Variants in OTOGL observed in about 807,000 individuals in gnomAD.
The protein encoded by OTOGL is otogelin like.
Under a neutral mutation model 318.5 loss-of-function variants are expected in OTOGL, and 285 were observed. The ratio of observed to expected loss-of-function variants is 0.89; its 90% CI spans 0.81 to 0.99. OTOGL has a LOEUF of 0.99. Among genes scored for constraint, OTOGL ranks in the 50% least tolerant of loss-of-function variants. The pLI is 0.00. For synonymous variants in OTOGL, 987 were observed against 936.5 expected, an observed-to-expected ratio of 1.05 and a Z score of -0.99; for missense variants, 2,899 against 2,845.6, an observed-to-expected ratio of 1.02 and a Z score of -0.43.
chr12:80,230,422 C>A (rs1028156437), intron 8 of OTOGL, among the ~76,000 whole-genome samples: 3 of 152,106 alleles, frequency 2.0e-5, no homozygotes, highest in African/African-American at 7.2e-5. Context: ...TGCAGTTACA[C>A]GTGTATTTCC....
At chr12:80,264,948 T>C (rs938797968) in intron 19 of OTOGL, 53 bp from the exon 20 acceptor site, 4 of 1,543,048 alleles carry the variant, frequency 2.6e-6, no homozygotes, top group Non-Finnish European at 3.6e-6. Flanking sequence ...CTTGGATAAT[T>C]CTGGGGTAAG....
intron 6 of OTOGL, among the ~76,000 whole-genome samples, chr12:80,220,323 C>A (rs1477757121): frequency 6.6e-6 from 1 of 152,030 alleles, no homozygotes; most frequent in Non-Finnish European, 1.5e-5. Flanking sequence ...TCATGTCTGG[C>A]TAATTTTGGT....
intron 35 of OTOGL, among the ~76,000 whole-genome samples, chr12:80,325,476 C>T (rs975958158): frequency 2.6e-5 from 4 of 152,172 alleles, no homozygotes; most frequent in Non-Finnish European, 4.4e-5. Flanking sequence ...GAAAACCAAC[C>T]GAGGCACAGA....
chr12:80,180,027 T>C (rs964023050), intron 1 of OTOGL, among the ~76,000 whole-genome samples: 6 of 152,246 alleles, frequency 3.9e-5, no homozygotes, highest in African/African-American at 1.4e-4. Context: ...GTCTAAGCTG[T>C]ATCAAGGTTT....
At position 80,112,684 on chromosome 12, in the gene OTOGL, G is replaced by A. The variant is rs1054992986; in HGVS notation, c.-20+13079G>A. Among the ~76,000 whole-genome samples, 9 of 151,366 alleles carry A rather than the reference G, an allele frequency of 5.9e-5. No homozygotes were observed. The South Asian group carries it at 1.0e-3, about 18-fold the overall frequency. ...AGGATTTTTGCACTGATGTTCATTA[G>A]GGATATTTGCCTGAAATTTTCTTTC... On this transcript the variant is annotated intron_variant, in intron 1 of 58. Transcript: ENST00000547103.
intron 44 of OTOGL, among the ~76,000 whole-genome samples, chr12:80,347,087 A>AT (rs955501661): frequency 8.6e-4 from 131 of 152,214 alleles, no homozygotes; most frequent in African/African-American, 3.1e-3. Context: ...TATAATTTGA[A>AT]TTTTTTTAAC....
chr12:80,126,255 GT>G (rs1215242407), intron 1 of OTOGL, among the ~76,000 whole-genome samples: 1 of 152,056 alleles, frequency 6.6e-6, no homozygotes, highest in Admixed American at 6.6e-5. Context: ...GTTCTCGTTG[GT>G]TTCAAAGAAC....
intron 26 of OTOGL, among the ~76,000 whole-genome samples, chr12:80,289,086 A>G (rs1213927488): frequency 1.3e-5 from 2 of 152,022 alleles, no homozygotes; most frequent in Non-Finnish European, 2.9e-5. Context: ...GGGATTTTGT[A>G]TGGAAGTCTT....
chr12:80,182,950 T>G (rs1460862703), intron 1 of OTOGL, among the ~76,000 whole-genome samples: 1 of 152,226 alleles, frequency 6.6e-6, no homozygotes, highest in East Asian at 1.9e-4. Context: ...ATAGCCCATG[T>G]GGAACTTTTG....
intron 52 of OTOGL, among the ~76,000 whole-genome samples, chr12:80,359,526 C>T (rs1032305319): frequency 1.4e-4 from 21 of 152,104 alleles, no homozygotes; most frequent in African/African-American, 5.1e-4. Context: ...TTCACAAAGA[C>T]ATTTTACTTT....
intron 11 of OTOGL, among the ~76,000 whole-genome samples, chr12:80,250,431 C>A (rs1881434900): frequency 1.3e-5 from 2 of 152,064 alleles, no homozygotes; most frequent in South Asian, 4.1e-4. Flanking sequence ...GGCTGGAAAA[C>A]CAATATTCAG....
intron 11 of OTOGL, 23 bp downstream of exon 11, chr12:80,239,462 G>A: frequency 1.3e-6 from 2 of 1,483,654 alleles, no homozygotes; most frequent in Non-Finnish European, 1.8e-6. Flanking sequence ...ACTTGTAGTT[G>A]TAATAAAATT....
In OTOGL at chr12:80,258,664, G is replaced by A. The variant is rs113626396; in HGVS notation, c.1889+662G>A. ...TAAAAGCACAATGGGAGCAATTTAA[G>A]CAGTAGACCATGGTTCTCATCCTCA... On this transcript the variant is annotated intron_variant, in intron 18 of 58. Transcript: ENST00000547103. 2.3e-3 allele frequency among the ~76,000 whole-genome samples: 347 copies of A among 152,216 alleles called. 4 individuals carry two copies. The highest frequency in any genetic ancestry group is 8.0e-3 in the African/African-American group (332 of 41,542).
chr12:80,154,523 A>C (rs1565881374), intron 1 of OTOGL, among the ~76,000 whole-genome samples: 1 of 151,528 alleles, frequency 6.6e-6, no homozygotes, highest in Non-Finnish European at 1.5e-5. Flanking sequence ...TCCCCTTTGC[A>C]CTCCCTCTTT....
At chr12:80,289,758 A>G (rs7302499) in intron 26 of OTOGL, among the ~76,000 whole-genome samples, 3 of 152,030 alleles carry the variant, frequency 2.0e-5, no homozygotes, top group African/African-American at 4.8e-5. Flanking sequence ...ACCAAGGTCA[A>G]TCGTCCCAGG....
Position 80,356,419 on chromosome 12 carries a change from G to A in OTOGL, c.5810G>A (p.Cys1937Tyr). 6.2e-7 allele frequency: 1 copy of A among 1,607,004 alleles called. No individual in the cohort carries two copies. Among genetic ancestry groups the A allele is most frequent in the Non-Finnish European group, 8.5e-7 (1 of 1,176,354 alleles). The change falls in exon 48 of 59, where the codon TGT becomes TAT. Residue 1937 changes from cysteine to tyrosine, a missense_variant. Around this residue, in one of 3 missense-constraint regions of OTOGL, gnomAD observed 2,607 missense variants for 2,524.9 expected, o/e 1.03. Coordinates refer to ENST00000547103, the MANE Select transcript of OTOGL (RefSeq NM_001378609.3). ...TAACAGTTTTTCTTATTTATAGGAT[G>A]TGACACGACTTTGTGTGAAACTAGC... ...WTCCSKEVCG[C>Y]DTTLCETSIP... is the part of the protein sequence containing the mutation.
intron 21 of OTOGL, 69 bp from the exon 22 acceptor site, chr12:80,267,184 G>C (rs1051734218): frequency 1.0e-5 from 10 of 969,918 alleles, no homozygotes; most frequent in Admixed American, 2.3e-5. Flanking sequence ...GAGAGCACAA[G>C]GTCAGCTTGA....
intron 1 of OTOGL, among the ~76,000 whole-genome samples, chr12:80,160,477 A>C (rs1873434360): frequency 6.6e-6 from 1 of 152,210 alleles, no homozygotes; most frequent in African/African-American, 2.4e-5. Flanking sequence ...AAACATATGA[A>C]AAAATGCTCA....
chr12:80,293,256 T>G (rs1396586952), intron 26 of OTOGL, among the ~76,000 whole-genome samples: 1 of 152,218 alleles, frequency 6.6e-6, no homozygotes, highest in Non-Finnish European at 1.5e-5. Context: ...CTCTTAATAT[T>G]ACACAAAAAG....
Sources: gnomAD v4.1 joint callset for allele counts (sites outside exome capture counted in the v4.1 genomes callset) on GRCh38, gnomAD v4.1.1 for gene constraint, gnomAD v4.1.1 regional missense constraint, MANE v1.5 for transcripts, NCBI Gene and HGNC (gene_info 2026-07-23, HGNC 2026-07-21) for gene names.